Variants in PRLR observed in about 807,000 individuals in gnomAD.
PRLR encodes prolactin receptor.
PRLR carries 13 observed loss-of-function variants against 40.2 expected under a neutral mutation model. The ratio of observed to expected loss-of-function variants is 0.32; its 90% confidence interval spans 0.21 to 0.51. The LOEUF (loss-of-function observed/expected upper bound fraction) is 0.51, where lower values mean the gene tolerates loss of function less well. Among genes scored for constraint, PRLR ranks in the 20% least tolerant of loss-of-function variants. The pLI, the probability that PRLR is intolerant of heterozygous loss-of-function variation, is 0.97. For missense variants in PRLR, 656 were observed against 747.3 expected (o/e 0.88, Z 1.42); for synonymous variants, 269 against 278.7 (o/e 0.97, Z 0.35).
chr5:35,081,490 C>T lies in PRLR; in HGVS notation c.373+2980G>A, dbSNP rs551062048. ...ATCAAAAAGGTGGTGAAGCAGGCAT[C>T]GGAGGGCCCCTTCATAGGCTGCAGG... On this transcript the variant is annotated intron_variant, in intron 5 of 9. Coordinates refer to ENST00000618457, the MANE Select transcript of PRLR (RefSeq NM_000949.7). 108 of 176,156 alleles carry T rather than the reference C, an allele frequency of 6.1e-4. 1 individual carries two copies. Among genetic ancestry groups the T allele is most frequent in the Non-Finnish European group, 9.3e-4 (76 of 81,402 alleles). The allele number at this position is 176,156 out of a possible 1,614,324, so 10.9% of individuals were successfully genotyped here.
At chr5:35,180,408 CCTTGTT>C (rs1202587077) in intron 1 of PRLR, among the ~76,000 whole-genome samples, 2 of 152,074 alleles carry the variant, frequency 1.3e-5, no homozygotes, top group Non-Finnish European at 2.9e-5. Context: ...GTGTGTGGCA[CCTTGTT>C]CTCTCTCTCA....
intron 5 of PRLR, among the ~76,000 whole-genome samples, chr5:35,082,164 G>T (rs1416119617): frequency 6.6e-6 from 1 of 152,084 alleles, no homozygotes; most frequent in Non-Finnish European, 1.5e-5. Flanking sequence ...GACCCACTTT[G>T]CCATGTGCCA....
chr5:35,136,410 G>C (rs1773859531), intron 1 of PRLR, among the ~76,000 whole-genome samples: 1 of 152,206 alleles, frequency 6.6e-6, no homozygotes, highest in Admixed American at 6.5e-5. Flanking sequence ...CCTGTGTACT[G>C]TAGGGTGCCT....
chr5:35,110,897 G>A lies in PRLR; in HGVS notation c.-44+7164C>T, dbSNP rs556851323. Among the ~76,000 whole-genome samples the A allele has an allele frequency of 9.9e-5, 15 of 152,228 alleles. No individual in the cohort carries two copies. In the East Asian group the frequency reaches 2.9e-3, roughly 29 times the overall value. On this transcript the variant is annotated intron_variant, in intron 2 of 9. Coordinates refer to ENST00000618457, the MANE Select transcript of PRLR (RefSeq NM_000949.7). ...CCTCTTTCAGGCATGGACATCCCTG[G>A]GTTCTCCAAAGCTGGATCATGCCCT...
At chr5:35,109,562 G>C (rs1404863087) in intron 2 of PRLR, among the ~76,000 whole-genome samples, 2 of 152,156 alleles carry the variant, frequency 1.3e-5, no homozygotes, top group Non-Finnish European at 2.9e-5. Flanking sequence ...TGAAGGATAT[G>C]AACAGACACT....
chr5:35,123,052 C>T (rs1179576317), intron 1 of PRLR, among the ~76,000 whole-genome samples: 4 of 152,004 alleles, frequency 2.6e-5, no homozygotes, highest in Non-Finnish European at 4.4e-5. Context: ...CGAAAGAATC[C>T]AATATTTTGT....
rs139632343 is a variant in PRLR, at chr5:35,188,187, C to T, written c.-106+42081G>A. ...GGAAAGTCGGGCTTTTCGAGTTCAG[C>T]TCTTGCTAATTTCAGCAGCTTGCCT... On this transcript the variant is annotated intron_variant, in intron 1 of 9. Coordinates refer to ENST00000618457, the MANE Select transcript of PRLR (RefSeq NM_000949.7). 9.6e-4 allele frequency among the ~76,000 whole-genome samples: 146 copies of T among 152,350 alleles called. 1 individual carries two copies. Among genetic ancestry groups the T allele is most frequent in the Admixed American group, 2.8e-3 (43 of 15,304 alleles).
intron 1 of PRLR, among the ~76,000 whole-genome samples, chr5:35,150,322 A>G (rs939079821): frequency 1.8e-4 from 27 of 152,230 alleles, no homozygotes; most frequent in Admixed American, 9.8e-4. Context: ...TGAAGACTAA[A>G]GCACAAACAG....
chr5:35,224,351 A>G (rs1776500245), intron 1 of PRLR, among the ~76,000 whole-genome samples: 1 of 152,170 alleles, frequency 6.6e-6, no homozygotes, highest in Non-Finnish European at 1.5e-5. Context: ...CTGGCCAGTG[A>G]ATAAAACCAG....
At chr5:35,110,075 G>A (rs1772555996) in intron 2 of PRLR, among the ~76,000 whole-genome samples, 1 of 152,152 alleles carries the variant, frequency 6.6e-6, no homozygotes, top group Non-Finnish European at 1.5e-5. Flanking sequence ...TAGGGACATG[G>A]ATGAAGCTGG....
At chr5:35,090,802 T>C (rs1394358532) in intron 2 of PRLR, among the ~76,000 whole-genome samples, 1 of 80,998 alleles carries the variant, frequency 1.2e-5, no homozygotes, top group African/African-American at 9.3e-5. Context: ...TTTTTTTTTT[T>C]TTTTTTTTTT....
intron 2 of PRLR, among the ~76,000 whole-genome samples, chr5:35,093,355 A>C (rs1771338778): frequency 6.6e-6 from 1 of 151,988 alleles, no homozygotes; most frequent in Non-Finnish European, 1.5e-5. Context: ...CCTCTCTTAG[A>C]CTTCACCTTT....
At chr5:35,093,346 C>G (rs1344531498) in intron 2 of PRLR, among the ~76,000 whole-genome samples, 1 of 152,218 alleles carries the variant, frequency 6.6e-6, no homozygotes, top group African/African-American at 2.4e-5. Flanking sequence ...CTGCAATACC[C>G]TCTCTTAGAC....
intron 5 of PRLR, among the ~76,000 whole-genome samples, chr5:35,081,070 T>C (rs1339479041): frequency 8.0e-5 from 12 of 149,290 alleles, no homozygotes; most frequent in African/African-American, 2.9e-4. Flanking sequence ...AGGGATAGCA[T>C]TAGGAGATAT....
intron 1 of PRLR, among the ~76,000 whole-genome samples, chr5:35,200,098 G>T (rs1174588423): frequency 6.6e-6 from 1 of 152,226 alleles, no homozygotes; most frequent in Non-Finnish European, 1.5e-5. Flanking sequence ...CCAGTTGGTT[G>T]TGTAGAGCAT....
intron 1 of PRLR, among the ~76,000 whole-genome samples, chr5:35,213,986 G>A (rs1419732389): frequency 2.0e-5 from 3 of 152,170 alleles, no homozygotes; most frequent in East Asian, 1.9e-4. Flanking sequence ...TGCGTTGACC[G>A]GCAATGTGAT....
At chr5:35,158,621 G>A (rs916108222) in intron 1 of PRLR, among the ~76,000 whole-genome samples, 1 of 152,116 alleles carries the variant, frequency 6.6e-6, no homozygotes, top group Non-Finnish European at 1.5e-5. Context: ...GGCACGTATT[G>A]AGAGTATCCA....
intron 1 of PRLR, among the ~76,000 whole-genome samples, chr5:35,228,262 A>T (rs1211412137): frequency 7.1e-5 from 10 of 140,984 alleles, no homozygotes; most frequent in Admixed American, 1.4e-4. Context: ...AAGCAGCATT[A>T]TTTTCATTGT....
intron 1 of PRLR, among the ~76,000 whole-genome samples, chr5:35,175,897 A>G (rs1336628051): frequency 6.6e-6 from 1 of 152,192 alleles, no homozygotes. Context: ...CAAAGGGGGA[A>G]AGGATCTAAG....
Sources: gnomAD v4.1 joint callset for allele counts (sites outside exome capture counted in the v4.1 genomes callset) on GRCh38, gnomAD v4.1.1 for gene constraint, MANE v1.5 for transcripts, NCBI Gene and HGNC (gene_info 2026-07-23, HGNC 2026-07-21) for gene names.